Variants in FAAH2 observed in about 807,000 individuals in gnomAD.
The protein encoded by FAAH2 is fatty acid amide hydrolase 2.
FAAH2 carries 60 observed loss-of-function variants against 36.9 expected under a neutral mutation model. That is an observed-to-expected ratio of 1.63 (90% CI 1.32 to 2.02). The LOEUF (loss-of-function observed/expected upper bound fraction) is 2.02, where lower values mean the gene tolerates loss of function less well. FAAH2 is among the 30% of genes most tolerant of loss of function. The probability of loss-of-function intolerance (pLI) is 0.00; values close to 1 mark genes in which losing one functional copy is unlikely to be tolerated. For synonymous variants in FAAH2, 214 were observed against 143.8 expected, an observed-to-expected ratio of 1.49 and a Z score of -3.49; for missense variants, 689 against 397.5, an observed-to-expected ratio of 1.73 and a Z score of -6.23.
intron 3 of FAAH2, among the ~76,000 whole-genome samples, chrX:57,315,615 C>A (rs974754337): frequency 8.9e-6 from 1 of 112,016 alleles, no homozygotes; most frequent in Non-Finnish European, 1.9e-5. Context: ...ATATGCAAAT[C>A]ATTTAATGTG....
the FAAH2 span, among the ~76,000 whole-genome samples, chrX:57,163,182 G>C: frequency 1.8e-5 from 2 of 112,055 alleles, no homozygotes; most frequent in African/African-American, 6.5e-5. Context: ...TGGGGGTCAG[G>C]GGTCAGGGAC....
intron 2 of FAAH2, among the ~76,000 whole-genome samples, chrX:57,299,405 A>G (rs1208951827): frequency 1.7e-4 from 19 of 111,628 alleles, no homozygotes; most frequent in African/African-American, 5.9e-4. Flanking sequence ...AAATTCAACA[A>G]CACTTCATGC....
intron 2 of FAAH2, among the ~76,000 whole-genome samples, chrX:57,300,740 C>T (rs1478032607): frequency 1.8e-5 from 2 of 111,893 alleles, no homozygotes; most frequent in Admixed American, 1.9e-4. Context: ...CCAGAATCTA[C>T]AGTGAACTCA....
chrX:57,379,348 T>C (rs2054774821), intron 6 of FAAH2, among the ~76,000 whole-genome samples: 1 of 111,567 alleles, frequency 9.0e-6, no homozygotes, highest in South Asian at 3.7e-4. Context: ...ATCACATTTT[T>C]CTAGGTCTCC....
the FAAH2 span, among the ~76,000 whole-genome samples, chrX:57,148,042 A>C: frequency 9.0e-6 from 1 of 111,093 alleles, no homozygotes; most frequent in African/African-American, 3.3e-5. Flanking sequence ...CAGCTGTTGG[A>C]TACAATGTTG....
rs368112682 is a variant in FAAH2, at chrX:57,467,679, G to A, written c.1423+18961G>A. ...TGTAGACTCCACCTCTGGGGGCAGG[G>A]CATAGCCAAACAAAAGGCAGCAGAA... is the stretch of plus-strand genomic sequence containing the variant. On this transcript the variant is annotated intron_variant, in intron 10 of 10. Coordinates refer to ENST00000374900, the MANE Select transcript of FAAH2 (RefSeq NM_174912.4). Among the ~76,000 whole-genome samples the A allele has an allele frequency of 2.7e-5, 3 of 112,130 alleles. No individual in the cohort carries two copies. The East Asian group carries it at 8.5e-4, about 32-fold the overall frequency.
chrX:57,322,284 C>T (rs1433428318), intron 3 of FAAH2, among the ~76,000 whole-genome samples: 1 of 112,011 alleles, frequency 8.9e-6, no homozygotes, highest in Non-Finnish European at 1.9e-5. Context: ...GCCACCGCAC[C>T]CGGCCTGCAT....
At chrX:57,407,832 T>C (rs965519804) in intron 7 of FAAH2, among the ~76,000 whole-genome samples, 2 of 112,131 alleles carry the variant, frequency 1.8e-5, no homozygotes, top group African/African-American at 3.2e-5. Context: ...TTGTGTATGG[T>C]TTAAGATAAG....
At chrX:57,474,246 C>G (rs1393736076) in intron 10 of FAAH2, among the ~76,000 whole-genome samples, 1 of 111,112 alleles carries the variant, frequency 9.0e-6, no homozygotes, top group East Asian at 2.8e-4. Flanking sequence ...GAATATGCAT[C>G]TTTGTTACAT....
chrX:57,219,566 C>A, the FAAH2 span, among the ~76,000 whole-genome samples: 1 of 112,503 alleles, frequency 8.9e-6, no homozygotes, highest in African/African-American at 3.2e-5. Context: ...CAACATTGGT[C>A]CAAGAAGGCT....
the FAAH2 span, among the ~76,000 whole-genome samples, chrX:57,198,574 C>G: frequency 8.9e-6 from 1 of 112,609 alleles, no homozygotes; most frequent in Non-Finnish European, 1.9e-5. Flanking sequence ...CATATCTGTA[C>G]TTCTCATTCA....
the FAAH2 span, among the ~76,000 whole-genome samples, chrX:57,246,030 A>G: frequency 1.8e-5 from 2 of 111,923 alleles, no homozygotes; most frequent in Admixed American, 9.5e-5. Flanking sequence ...GCAATAAAAA[A>G]TGCTATAGGG....
intron 3 of FAAH2, among the ~76,000 whole-genome samples, chrX:57,329,011 A>G (rs1370724700): frequency 8.9e-6 from 1 of 111,909 alleles, no homozygotes; most frequent in Non-Finnish European, 1.9e-5. Flanking sequence ...GGTAAGTGCC[A>G]GCCAAAGAAC....
At chrX:57,245,511 G>A in the FAAH2 span, among the ~76,000 whole-genome samples, 4 of 111,817 alleles carry the variant, frequency 3.6e-5, no homozygotes, top group Admixed American at 9.5e-5. Context: ...CAAAACAATG[G>A]AAATCATATC....
rs1299251681 is a variant in FAAH2, at chrX:57,475,596, C to G, written c.1424-13161C>G. Among the ~76,000 whole-genome samples the G allele has an allele frequency of 3.6e-5, 4 of 111,127 alleles. 1 individual carries two copies. The Admixed American group carries it at 3.8e-4, about 11-fold the overall frequency. On this transcript the variant is annotated intron_variant, in intron 10 of 10. Transcript: ENST00000374900. Reference sequence around the variant, plus strand: ...TGCCATGCTGTTTTGGTTACTGTACCCTTGTAGTATAGTTTTAAGTCAGGT... The same window carrying G: ...TGCCATGCTGTTTTGGTTACTGTACGCTTGTAGTATAGTTTTAAGTCAGGT...
the FAAH2 span, among the ~76,000 whole-genome samples, chrX:57,204,218 C>A: frequency 9.0e-6 from 1 of 111,389 alleles, no homozygotes; most frequent in South Asian, 3.8e-4. Flanking sequence ...AATCTGTTTA[C>A]AAATAGGTTT....
At chrX:57,363,546 T>A (rs1469486335) in intron 5 of FAAH2, among the ~76,000 whole-genome samples, 1 of 111,371 alleles carries the variant, frequency 9.0e-6, no homozygotes, top group South Asian at 3.8e-4. Context: ...TTTATTTGGA[T>A]GCCTTTTTTT....
At chrX:57,197,057 T>C in the FAAH2 span, among the ~76,000 whole-genome samples, 2 of 111,763 alleles carry the variant, frequency 1.8e-5, no homozygotes, top group Non-Finnish European at 3.8e-5. Context: ...TCCTGGATGT[T>C]TTTTTATTTA....
At chrX:57,269,951 AT>A in the FAAH2 span, among the ~76,000 whole-genome samples, 1 of 111,397 alleles carries the variant, frequency 9.0e-6, no homozygotes, top group Non-Finnish European at 1.9e-5. Context: ...TTTTAAAAAA[AT>A]AATAAAATAA....
Sources: allele counts gnomAD v4.1 joint callset (sites outside exome capture counted in the v4.1 genomes callset), GRCh38; gene constraint gnomAD v4.1.1; transcripts MANE v1.5; gene names NCBI Gene and HGNC (gene_info 2026-07-23, HGNC 2026-07-21).